PITPNM3: variants seen among roughly 807,000 people sequenced by gnomAD.
PITPNM3 encodes membrane-associated phosphatidylinositol transfer protein 3.
Under a neutral mutation model 102.0 loss-of-function variants are expected in PITPNM3, and 26 were observed. The ratio of observed to expected loss-of-function variants is 0.25; its 90% CI spans 0.19 to 0.35. PITPNM3 has a LOEUF of 0.35. Among genes scored for constraint, PITPNM3 ranks in the 10% least tolerant of loss-of-function variants. PITPNM3 has a pLI of 1.00. For missense variants in PITPNM3, 1,083 were observed against 1,346.1 expected (o/e 0.80, Z 3.06); for synonymous variants, 578 against 558.6 (o/e 1.03, Z -0.49).
intron 4 of PITPNM3, among the ~76,000 whole-genome samples, chr17:6,495,397 G>T (rs1567675925): frequency 6.6e-6 from 1 of 152,146 alleles, no homozygotes; most frequent in Non-Finnish European, 1.5e-5. Flanking sequence ...TTCCCAAGAG[G>T]AAAGGATTTG....
At chr17:6,474,719 T>C in intron 9 of PITPNM3, 115 bp from the exon 10 acceptor site, 1 of 1,299,448 alleles carries the variant, frequency 7.7e-7, no homozygotes, top group East Asian at 2.5e-5. Context: ...ACCCTCCATC[T>C]CTGGGGCGGG....
intron 2 of PITPNM3, among the ~76,000 whole-genome samples, chr17:6,529,758 T>C (rs993701579): frequency 1.6e-4 from 25 of 152,224 alleles, no homozygotes; most frequent in African/African-American, 5.5e-4. Context: ...CTTGGGGCTC[T>C]GGACCACAAG....
chr17:6,525,190 T>C (rs892164726), intron 3 of PITPNM3, among the ~76,000 whole-genome samples, 166 bp downstream of exon 3: 3 of 152,094 alleles, frequency 2.0e-5, no homozygotes, highest in Non-Finnish European at 4.4e-5. Context: ...GAAGTCCCCA[T>C]GAGAGTTCCT....
intron 4 of PITPNM3, among the ~76,000 whole-genome samples, chr17:6,503,206 G>C (rs527611069): frequency 6.6e-6 from 1 of 152,256 alleles, no homozygotes; most frequent in East Asian, 1.9e-4. Flanking sequence ...GATCTCAGCT[G>C]CTCTGCTGAG....
chr17:6,460,986 C>T (rs1904417244), intron 18 of PITPNM3: 2 of 333,338 alleles, frequency 6.0e-6, no homozygotes, highest in Non-Finnish European at 1.2e-5. Flanking sequence ...ACAGAAAGCA[C>T]ATCCGGGTCA....
intron 3 of PITPNM3, among the ~76,000 whole-genome samples, chr17:6,515,546 T>C (rs778485307): frequency 1.1e-4 from 17 of 152,124 alleles, no homozygotes; most frequent in Non-Finnish European, 2.4e-4. Context: ...GGGAATTATA[T>C]CTCAACTTCT....
intron 4 of PITPNM3, among the ~76,000 whole-genome samples, chr17:6,491,816 A>T (rs376958083): frequency 1.6e-5 from 1 of 62,054 alleles, no homozygotes; most frequent in South Asian, 5.3e-4. Context: ...GGGACAATGG[A>T]ATATATATAT....
At chr17:6,501,318 G>C (rs1038141841) in intron 4 of PITPNM3, among the ~76,000 whole-genome samples, 1 of 152,072 alleles carries the variant, frequency 6.6e-6, no homozygotes, top group Admixed American at 6.6e-5. Flanking sequence ...CTGGGGCCTC[G>C]CTGGCCAGGA....
chr17:6,504,350 C>T (rs1315984903), intron 3 of PITPNM3, among the ~76,000 whole-genome samples: 2 of 152,208 alleles, frequency 1.3e-5, no homozygotes, highest in African/African-American at 2.4e-5. Context: ...AACCCCGTGC[C>T]TGCCTCTCAC....
chr17:6,552,148 C>G (rs990187651), intron 1 of PITPNM3, among the ~76,000 whole-genome samples: 1 of 152,200 alleles, frequency 6.6e-6, no homozygotes, highest in Non-Finnish European at 1.5e-5. Context: ...CCCCTCAGAG[C>G]AGAGGCTAAC....
chr17:6,523,865 T>C (rs1908678157), intron 3 of PITPNM3, among the ~76,000 whole-genome samples: 1 of 152,142 alleles, frequency 6.6e-6, no homozygotes, highest in Non-Finnish European at 1.5e-5. Flanking sequence ...GACTCATGGT[T>C]CCTTGAGCCT....
intron 1 of PITPNM3, among the ~76,000 whole-genome samples, chr17:6,555,759 C>T (rs11078638): frequency 0.49 from 74,378 of 152,052 alleles, 18,613 homozygotes; most frequent in Admixed American, 0.56. Context: ...ACAGGCTACA[C>T]CGTCTGAGCC....
intron 11 of PITPNM3, among the ~76,000 whole-genome samples, chr17:6,471,957 A>T (rs550197808): frequency 6.6e-6 from 1 of 152,198 alleles, no homozygotes; most frequent in African/African-American, 2.4e-5. Context: ...ATGGTTTTTA[A>T]TCCTGAATCG....
At chr17:6,482,824 A>C (rs1265319962) in intron 6 of PITPNM3, among the ~76,000 whole-genome samples, 3 of 152,142 alleles carry the variant, frequency 2.0e-5, no homozygotes, top group African/African-American at 7.2e-5. Flanking sequence ...GTGAGAGCAA[A>C]GGAAAAACAC....
chr17:6,521,562 T>TA, intron 3 of PITPNM3: 1 of 150,818 alleles, frequency 6.6e-6, no homozygotes, highest in South Asian at 2.1e-4. Context: ...AAAATAATAG[T>TA]AATAACAACA....
At chr17:6,493,295 T>C (rs574088989) in intron 4 of PITPNM3, among the ~76,000 whole-genome samples, 4 of 152,160 alleles carry the variant, frequency 2.6e-5, no homozygotes, top group African/African-American at 2.4e-5. Flanking sequence ...TGATGCCCAA[T>C]AACAGAGCAG....
intron 3 of PITPNM3, among the ~76,000 whole-genome samples, chr17:6,510,334 TCC>T (rs1907797356): frequency 6.6e-6 from 1 of 152,118 alleles, no homozygotes; most frequent in Non-Finnish European, 1.5e-5. Context: ...TCTCCCTGCT[TCC>T]CACACCTCCC....
chr17:6,479,101 A>C, intron 6 of PITPNM3: 1 of 227,344 alleles, frequency 4.4e-6, no homozygotes, highest in African/African-American at 2.2e-5. Flanking sequence ...GGAACATATC[A>C]TCATGGCAGA....
At chr17:6,464,395 ACT>A in intron 15 of PITPNM3, 77 bp from the exon 16 acceptor site, 1 of 1,472,062 alleles carries the variant, frequency 6.8e-7, no homozygotes, top group Non-Finnish European at 9.4e-7. Flanking sequence ...GGGCGGGGGA[ACT>A]CTGGGCTGAG....
Sources: allele counts gnomAD v4.1 joint callset (sites outside exome capture counted in the v4.1 genomes callset), GRCh38; gene constraint gnomAD v4.1.1; transcripts MANE v1.5; gene names NCBI Gene and HGNC (gene_info 2026-07-23, HGNC 2026-07-21).